Variants in RPTOR observed in about 807,000 individuals in gnomAD.
RPTOR encodes the protein regulatory associated protein of MTOR complex 1, also known as regulatory-associated protein of mTOR.
In RPTOR, 21 loss-of-function variants were observed where a neutral mutation model predicts 169.9. The ratio of observed to expected loss-of-function variants is 0.12; its 90% CI spans 0.09 to 0.18. The LOEUF (loss-of-function observed/expected upper bound fraction) is 0.18. RPTOR is among the 10% of genes least tolerant of loss of function. The pLI is 1.00. For synonymous variants in RPTOR, 732 were observed against 753.2 expected (o/e 0.97, Z 0.46); for missense variants, 1,133 against 1,855.9 (o/e 0.61, Z 7.16).
chr17:80,567,775 G>T (rs1327852083), intron 1 of RPTOR, among the ~76,000 whole-genome samples: 2 of 151,170 alleles, frequency 1.3e-5, no homozygotes, highest in Non-Finnish European at 2.9e-5. Flanking sequence ...CTGGGTGACA[G>T]AGTGAGACTC....
intron 3 of RPTOR, among the ~76,000 whole-genome samples, chr17:80,701,729 A>G (rs2066102392): frequency 1.3e-5 from 2 of 152,194 alleles, no homozygotes; most frequent in Non-Finnish European, 2.9e-5. Context: ...GATGGCAGCG[A>G]TATCACTTGT....
chr17:80,854,704 G>A (rs1380707271), intron 11 of RPTOR, among the ~76,000 whole-genome samples: 2 of 152,182 alleles, frequency 1.3e-5, no homozygotes, highest in African/African-American at 2.4e-5. Flanking sequence ...ACCTGCATGG[G>A]CAATGTAGTG....
intron 6 of RPTOR, among the ~76,000 whole-genome samples, chr17:80,761,757 T>C (rs949816120): frequency 6.6e-6 from 1 of 152,262 alleles, no homozygotes; most frequent in Non-Finnish European, 1.5e-5. Flanking sequence ...GCCCGTTCAG[T>C]GCTCTCGGGT....
intron 3 of RPTOR, among the ~76,000 whole-genome samples, chr17:80,676,168 G>C (rs2065860103): frequency 6.6e-6 from 1 of 151,522 alleles, no homozygotes; most frequent in Non-Finnish European, 1.5e-5. Flanking sequence ...TTAGTGTGAG[G>C]CTAAGGAGTT....
intron 6 of RPTOR, among the ~76,000 whole-genome samples, chr17:80,777,594 T>C (rs1194902034): frequency 6.6e-6 from 1 of 152,124 alleles, no homozygotes; most frequent in Non-Finnish European, 1.5e-5. Flanking sequence ...AGTTTTATTT[T>C]ATTTTGGTAA....
intron 2 of RPTOR, among the ~76,000 whole-genome samples, chr17:80,631,821 C>T (rs1051842611): frequency 6.6e-6 from 1 of 152,092 alleles, no homozygotes; most frequent in Non-Finnish European, 1.5e-5. Flanking sequence ...TGCCTGTAGT[C>T]CCAGCTACTC....
chr17:80,879,874 G>T (rs186621704), intron 13 of RPTOR, among the ~76,000 whole-genome samples: 171 of 152,358 alleles, frequency 1.1e-3, no homozygotes, highest in African/African-American at 3.9e-3. Context: ...CCTTGGGGCT[G>T]CCCCTGAGGG....
intron 20 of RPTOR, among the ~76,000 whole-genome samples, chr17:80,903,387 A>G (rs993667903): frequency 6.6e-5 from 10 of 152,220 alleles, no homozygotes; most frequent in African/African-American, 2.4e-4. Context: ...ACCCGAGCCC[A>G]GAAACTGGGG....
chr17:80,816,894 C>T (rs959026910), intron 7 of RPTOR, among the ~76,000 whole-genome samples: 4 of 152,240 alleles, frequency 2.6e-5, no homozygotes, highest in Non-Finnish European at 4.4e-5. Flanking sequence ...GTGGTCTCCC[C>T]GGCCCATCCC....
At chr17:80,656,321 G>T (rs1045387024) in intron 3 of RPTOR, among the ~76,000 whole-genome samples, 1 of 152,164 alleles carries the variant, frequency 6.6e-6, no homozygotes, top group Non-Finnish European at 1.5e-5. Context: ...ACCCGCCTTG[G>T]CCTCCCAAAG....
intron 13 of RPTOR, among the ~76,000 whole-genome samples, chr17:80,863,429 C>G (rs1031493318): frequency 6.6e-6 from 1 of 152,190 alleles, no homozygotes; most frequent in African/African-American, 2.4e-5. Flanking sequence ...CTGCTCAGAA[C>G]TGCTGCAGGT....
At chr17:80,733,050 A>G (rs997847788) in intron 5 of RPTOR, among the ~76,000 whole-genome samples, 5 of 152,264 alleles carry the variant, frequency 3.3e-5, no homozygotes, top group African/African-American at 1.2e-4. Flanking sequence ...TAACACAAAT[A>G]TGAGTGACAT....
chr17:80,713,300 C>T (rs527477166), intron 4 of RPTOR, among the ~76,000 whole-genome samples: 1 of 152,182 alleles, frequency 6.6e-6, no homozygotes, highest in Non-Finnish European at 1.5e-5. Context: ...CCTGCCTCGG[C>T]CTCCCAAAGT....
intron 7 of RPTOR, among the ~76,000 whole-genome samples, chr17:80,816,443 C>T (rs901668222): frequency 1.3e-5 from 2 of 152,212 alleles, no homozygotes; most frequent in Non-Finnish European, 2.9e-5. Flanking sequence ...AAGATGGAGG[C>T]ATTGCACTTG....
intron 20 of RPTOR, among the ~76,000 whole-genome samples, chr17:80,908,026 T>C (rs2068565418): frequency 6.6e-6 from 1 of 152,118 alleles, no homozygotes; most frequent in South Asian, 2.1e-4. Context: ...GGCCTCACCT[T>C]CCTTGGCGAC....
intron 28 of RPTOR, among the ~76,000 whole-genome samples, chr17:80,949,756 C>T (rs1287552750): frequency 6.6e-6 from 1 of 152,236 alleles, no homozygotes; most frequent in East Asian, 1.9e-4. Flanking sequence ...AGTCCCAGCC[C>T]TGGGCATGGT....
chr17:80,778,520 C>A (rs574143663), intron 6 of RPTOR, among the ~76,000 whole-genome samples: 6 of 152,180 alleles, frequency 3.9e-5, no homozygotes, highest in Non-Finnish European at 5.9e-5. Context: ...TTTCCATACA[C>A]CCCACACGAT....
chr17:80,781,074 A>G (rs992997545), intron 6 of RPTOR, among the ~76,000 whole-genome samples: 1 of 152,130 alleles, frequency 6.6e-6, no homozygotes, highest in African/African-American at 2.4e-5. Context: ...CTGAACCTCA[A>G]CTGTCTCCCC....
intron 25 of RPTOR, chr17:80,941,903 C>T (rs1389889650): frequency 1.3e-5 from 2 of 152,272 alleles, no homozygotes; most frequent in Non-Finnish European, 2.9e-5. Context: ...GAAGCGCATT[C>T]CCACGCAGCT....
Sources: gnomAD v4.1 joint callset for allele counts (sites outside exome capture counted in the v4.1 genomes callset) on GRCh38, gnomAD v4.1.1 for gene constraint, MANE v1.5 for transcripts, NCBI Gene and HGNC (gene_info 2026-07-23, HGNC 2026-07-21) for gene names.